The following DNAAF10 variants were observed in gnomAD, a reference collection of about 807,000 sequenced individuals.
DNAAF10 encodes WD repeat domain 92.
Under a neutral mutation model 43.7 loss-of-function variants are expected in DNAAF10, and 28 were observed. The observed-to-expected ratio is 0.64, with a 90% confidence interval of 0.48 to 0.88. DNAAF10 has a LOEUF of 0.88. Among genes scored for constraint, DNAAF10 ranks in the 40% least tolerant of loss-of-function variants. The pLI, the probability that DNAAF10 is intolerant of heterozygous loss-of-function variation, is 0.00. For missense variants in DNAAF10, 403 were observed against 439.1 expected (o/e 0.92, Z 0.73); for synonymous variants, 156 against 157.3 (o/e 0.99, Z 0.06).
chr2:68,150,136 T>A (rs2103632605), intron 1 of DNAAF10, among the ~76,000 whole-genome samples: 1 of 152,262 alleles, frequency 6.6e-6, no homozygotes, highest in South Asian at 2.1e-4. Context: ...AAAACTAACC[T>A]ACACTCTTTG....
intron 2 of DNAAF10, among the ~76,000 whole-genome samples, chr2:68,145,332 G>A (rs1275239336): frequency 6.6e-6 from 1 of 152,070 alleles, no homozygotes; most frequent in African/African-American, 2.4e-5. Flanking sequence ...AATATGGGAG[G>A]TGAATAGAAG....
At chr2:68,154,962 C>T (rs1279052267) in intron 1 of DNAAF10, among the ~76,000 whole-genome samples, 6 of 151,808 alleles carry the variant, frequency 4.0e-5, no homozygotes, top group Admixed American at 6.6e-5. Flanking sequence ...AAAGTAGAGA[C>T]GGGGTTTCCC....
At chr2:68,137,651 G>A (rs552509169) in intron 5 of DNAAF10, among the ~76,000 whole-genome samples, 4 of 152,040 alleles carry the variant, frequency 2.6e-5, no homozygotes, top group East Asian at 1.9e-4. Context: ...GGTGGATCAC[G>A]AAGTCAGGAG....
intron 5 of DNAAF10, among the ~76,000 whole-genome samples, chr2:68,138,168 C>T (rs1182599608): frequency 6.6e-6 from 1 of 151,352 alleles, no homozygotes; most frequent in African/African-American, 2.5e-5. Context: ...GAGCAAGACT[C>T]CATCTCAAAA....
intron 1 of DNAAF10, among the ~76,000 whole-genome samples, chr2:68,151,874 C>G (rs910349610): frequency 6.6e-6 from 1 of 152,218 alleles, no homozygotes; most frequent in Non-Finnish European, 1.5e-5. Flanking sequence ...ACACTGCAAA[C>G]TAAGTGTTCA....
At chr2:68,135,847 G>C (rs1673030007) in intron 6 of DNAAF10, among the ~76,000 whole-genome samples, 1 of 152,114 alleles carries the variant, frequency 6.6e-6, no homozygotes, top group African/African-American at 2.4e-5. Context: ...AGCAAGAGGG[G>C]AAATGACCTC....
rs1280600615 is a variant in DNAAF10 at position 68,134,188 on chromosome 2, CTGTGATGTTAGCGCCCT to C, written c.866+497_866+513del. On this transcript the variant is annotated intron_variant, in intron 7 of 7. Coordinates refer to ENST00000295121, the MANE Select transcript of DNAAF10 (RefSeq NM_138458.4). The stretch of plus-strand genomic sequence containing the variant: ...TCAGACCTTTTAAATGATCTAGTAT[CTGTGATGTTAGCGCCCT>C]TGGGATTCAGAAAGTGGTGTGCATA... The C allele has an allele frequency of 2.4e-5, 24 of 986,450 alleles. No homozygotes were observed. In the East Asian group the frequency reaches 1.7e-3, roughly 70 times the overall value. 61.1% of individuals were successfully genotyped at this position (986,450 alleles called of 1,614,324 possible). A position where few individuals can be genotyped will look rare whatever the true frequency, so the allele number is the denominator to read the frequency against.
intron 6 of DNAAF10, among the ~76,000 whole-genome samples, chr2:68,135,446 C>T (rs1673017200): frequency 6.6e-6 from 1 of 152,126 alleles, no homozygotes; most frequent in Non-Finnish European, 1.5e-5. Flanking sequence ...AGATTAAAAA[C>T]CAGCAACTGG....
intron 1 of DNAAF10, among the ~76,000 whole-genome samples, chr2:68,155,409 G>T (rs543367534): frequency 1.3e-5 from 2 of 151,554 alleles, no homozygotes; most frequent in African/African-American, 4.8e-5. Flanking sequence ...CAGGAGAATC[G>T]CTTGAACCTG....
chr2:68,140,197 T>C (rs1005688681), intron 4 of DNAAF10, among the ~76,000 whole-genome samples: 5 of 152,202 alleles, frequency 3.3e-5, no homozygotes, highest in African/African-American at 9.6e-5. Context: ...CACTGTGCTA[T>C]GCTATCTGGG....
At chr2:68,138,392 A>C (rs2103887686) in intron 5 of DNAAF10, among the ~76,000 whole-genome samples, 1 of 152,312 alleles carries the variant, frequency 6.6e-6, no homozygotes, top group Admixed American at 6.5e-5. Context: ...CAAAAATCTG[A>C]GCTGGGGAGG....
intron 7 of DNAAF10, among the ~76,000 whole-genome samples, chr2:68,132,202 C>T (rs1463749410): frequency 6.6e-6 from 1 of 152,202 alleles, no homozygotes; most frequent in Non-Finnish European, 1.5e-5. Flanking sequence ...AGTATCACTC[C>T]TCAGAAGGCC....
At chr2:68,143,225 T>C (rs999819827) in intron 3 of DNAAF10, among the ~76,000 whole-genome samples, 7 of 152,068 alleles carry the variant, frequency 4.6e-5, no homozygotes, top group Admixed American at 2.0e-4. Flanking sequence ...TCTTTCTCTA[T>C]AGGATTCATA....
At chr2:68,157,050 G>A (rs894059041) in intron 1 of DNAAF10, 1 of 698,380 alleles carries the variant, frequency 1.4e-6, no homozygotes, top group Non-Finnish European at 2.3e-6. Context: ...GGGGGTGGCA[G>A]GACGGTTGGG....
rs201603108 is a variant in DNAAF10 at position 68,131,217 on chromosome 2, C to A, written c.*21G>T. 4.3e-6 allele frequency: 7 copies of A among 1,612,984 alleles called. No homozygotes were observed. The East Asian group carries it at 1.6e-4, about 36-fold the overall frequency. ...ACAGGAGTGAGCCACCGTGCCCAGC[C>A]TCAAGTCCAAAGTCTTGAAGTCAAA... On this transcript the variant is annotated 3_prime_UTR_variant, in exon 8 of 8. Transcript: ENST00000295121.
chr2:68,142,660 C>A (rs922959351), intron 3 of DNAAF10, among the ~76,000 whole-genome samples: 2 of 151,972 alleles, frequency 1.3e-5, no homozygotes, highest in Non-Finnish European at 2.9e-5. Context: ...AATTTCAACC[C>A]CCTTGTTTTA....
chr2:68,146,007 A>G (rs1003515596), intron 2 of DNAAF10, among the ~76,000 whole-genome samples: 2 of 152,202 alleles, frequency 1.3e-5, no homozygotes, highest in African/African-American at 4.8e-5. Flanking sequence ...CACGCCTGTA[A>G]TCCCAGAACT....
chr2:68,145,763 C>T (rs1409446834), intron 2 of DNAAF10, among the ~76,000 whole-genome samples: 4 of 152,196 alleles, frequency 2.6e-5, no homozygotes, highest in Non-Finnish European at 5.9e-5. Context: ...CAATGAATGG[C>T]TTGACTAGGT....
rs894262453 is a variant in DNAAF10, at chr2:68,157,527, C to G, written c.-84G>C. 1.3e-6 allele frequency: 2 copies of G among 1,568,458 alleles called. No individual in the cohort carries two copies. Among genetic ancestry groups the G allele is most frequent in the Non-Finnish European group, 1.8e-6 (2 of 1,138,658 alleles). The stretch of plus-strand genomic sequence containing the variant: ...CTGGAAACCAGACTCCAAACATTGG[C>G]AATTTGTCCCTCCCGCTTTCCGTAT... On this transcript the variant is annotated 5_prime_UTR_variant, in exon 1 of 8. Transcript: ENST00000295121.
Sources: allele counts gnomAD v4.1 joint callset (sites outside exome capture counted in the v4.1 genomes callset), GRCh38; gene constraint gnomAD v4.1.1; transcripts MANE v1.5; gene names NCBI Gene and HGNC (gene_info 2026-07-23, HGNC 2026-07-21).